TLE1: variants seen among roughly 807,000 people sequenced by gnomAD.
The protein encoded by TLE1 is TLE family member 1, transcriptional corepressor.
TLE1 carries 21 observed loss-of-function variants against 89.8 expected under a neutral mutation model. That is an observed-to-expected ratio of 0.23 (90% CI 0.17 to 0.34). The LOEUF is 0.34. Among genes scored for constraint, TLE1 ranks in the 10% least tolerant of loss-of-function variants. The pLI is 1.00. For synonymous variants in TLE1, 447 were observed against 407.6 expected, an observed-to-expected ratio of 1.10 and a Z score of -1.16; for missense variants, 795 against 1,031.2, an observed-to-expected ratio of 0.77 and a Z score of 3.14.
chr9:81,605,311 G>A (rs1439773039), intron 14 of TLE1, among the ~76,000 whole-genome samples: 1 of 152,144 alleles, frequency 6.6e-6, no homozygotes, highest in African/African-American at 2.4e-5. Context: ...CATCGAGAGT[G>A]AGCGACAGCA....
intron 4 of TLE1, among the ~76,000 whole-genome samples, chr9:81,662,358 GTT>G (rs993794813): frequency 3.1e-5 from 3 of 97,066 alleles, no homozygotes; most frequent in Admixed American, 1.2e-4. Context: ...TAGTGTGCCT[GTT>G]TTGTGTGTGT....
At chr9:81,644,146 T>A (rs903283382) in intron 6 of TLE1, among the ~76,000 whole-genome samples, 1 of 152,270 alleles carries the variant, frequency 6.6e-6, no homozygotes, top group East Asian at 1.9e-4. Context: ...ATTGTGGGAA[T>A]GTAAAATGAT....
Position 81,583,746 on chromosome 9 carries a change from ACCT to A in TLE1, c.*449_*451del. On this transcript the variant is annotated 3_prime_UTR_variant, in exon 20 of 20. Coordinates refer to ENST00000376499, the MANE Select transcript of TLE1 (RefSeq NM_005077.5). ...TATTTACAATTTATACAAATGTTTAACCTTCAACAAAAATACAAAAAAACATTT... is the reference window on the plus strand; with the variant it reads ...TATTTACAATTTATACAAATGTTTAATCAACAAAAATACAAAAAAACATTT... The A allele has an allele frequency of 6.2e-6, 1 of 160,602 alleles. No homozygotes were observed. The highest frequency in any genetic ancestry group is 1.7e-4 in the East Asian group (1 of 5,764). The allele number at this position is 160,602 out of a possible 1,614,324, so 9.9% of individuals were successfully genotyped here.
chr9:81,663,516 C>A (rs1420788883), intron 4 of TLE1, among the ~76,000 whole-genome samples: 2 of 152,170 alleles, frequency 1.3e-5, no homozygotes, highest in African/African-American at 4.8e-5. Context: ...GACAAGTCCG[C>A]ATGATCCCTC....
At chr9:81,632,799 A>G (rs919489210) in intron 8 of TLE1, among the ~76,000 whole-genome samples, 1 of 152,192 alleles carries the variant, frequency 6.6e-6, no homozygotes, top group East Asian at 1.9e-4. Flanking sequence ...TAAAATAGAT[A>G]TAAGATCAAG....
chr9:81,587,952 G>A (rs1828829966), intron 16 of TLE1, 124 bp from the exon 17 acceptor site: 8 of 1,044,192 alleles, frequency 7.7e-6, no homozygotes, highest in South Asian at 3.6e-5. Context: ...GTGTGATCCC[G>A]CCAGTGTCTG....
Position 81,620,559 on chromosome 9 carries a change from T to G in TLE1, c.595-2A>C. 6.2e-7 allele frequency: 1 copy of G among 1,603,322 alleles called. No homozygotes were observed. The highest frequency in any genetic ancestry group is 8.5e-7 in the Non-Finnish European group (1 of 1,177,100). On this transcript the variant is annotated splice_acceptor_variant, in intron 8 of 19. Transcript: ENST00000376499. LOFTEE classifies it high-confidence loss of function. ...GTCTGGGACCAGGAGGGAATTACTC[T>G]GCAAGACAAAAAAATTAATCAAAGA...
At chr9:81,682,773 A>G (rs189466499) in intron 4 of TLE1, among the ~76,000 whole-genome samples, 47 of 152,300 alleles carry the variant, frequency 3.1e-4, no homozygotes, top group Admixed American at 3.1e-3. Flanking sequence ...CCTCTACTGT[A>G]TAGAGATATC....
rs1463340522 is a variant in TLE1 at position 81,688,865 on chromosome 9, G to C, written c.-625C>G. 1 of 152,308 alleles carries C rather than the reference G, an allele frequency of 6.6e-6. No individual in the cohort carries two copies. The allele number at this position is 152,308 out of a possible 1,614,324, so 9.4% of individuals were successfully genotyped here. Reference sequence around the variant, plus strand: ...AAAGGGGAGCGAGGTTGAAGACGCAGCGGAGGCTCCTGGCCGGGGAGCGAC... The same window carrying C: ...AAAGGGGAGCGAGGTTGAAGACGCACCGGAGGCTCCTGGCCGGGGAGCGAC... On this transcript the variant is annotated 5_prime_UTR_variant, in exon 1 of 20. Transcript: ENST00000376499.
intron 11 of TLE1, among the ~76,000 whole-genome samples, chr9:81,614,198 G>A (rs1587970736): frequency 6.6e-6 from 1 of 151,944 alleles, no homozygotes; most frequent in South Asian, 2.1e-4. Context: ...CTGAGCCACC[G>A]CGCCAGGCCA....
intron 4 of TLE1, among the ~76,000 whole-genome samples, chr9:81,669,313 CAT>C (rs912604358): frequency 5.3e-5 from 8 of 152,214 alleles, no homozygotes; most frequent in African/African-American, 1.9e-4. Flanking sequence ...GTCTAATAGA[CAT>C]GTGGATAAAA....
chr9:81,592,937 T>A, intron 15 of TLE1, 88 bp downstream of exon 15: 1 of 1,504,844 alleles, frequency 6.6e-7, no homozygotes, highest in Non-Finnish European at 8.9e-7. Context: ...TTCCTCATAA[T>A]GGGAATAAAA....
At chr9:81,683,492 T>C (rs1833877112) in intron 4 of TLE1, among the ~76,000 whole-genome samples, 1 of 152,120 alleles carries the variant, frequency 6.6e-6, no homozygotes, top group African/African-American at 2.4e-5. Flanking sequence ...GGCTACACCC[T>C]GGGGGCCAGA....
chr9:81,601,659 A>G (rs530547385), intron 14 of TLE1, among the ~76,000 whole-genome samples: 1 of 152,296 alleles, frequency 6.6e-6, no homozygotes, highest in East Asian at 1.9e-4. Flanking sequence ...TGATCTCCAC[A>G]GAGCTCAGGG....
At chr9:81,649,242 G>A (rs991378717) in intron 6 of TLE1, among the ~76,000 whole-genome samples, 15 of 152,170 alleles carry the variant, frequency 9.9e-5, no homozygotes, top group African/African-American at 3.4e-4. Context: ...TTAAAATTCA[G>A]TATTTTTTGT....
chr9:81,612,498 A>T, intron 12 of TLE1: 2 of 357,182 alleles, frequency 5.6e-6, no homozygotes, highest in Non-Finnish European at 7.8e-6. Context: ...GGGGAATATC[A>T]GGTTGCAAAT....
chr9:81,619,669 T>C (rs139042775), intron 9 of TLE1, among the ~76,000 whole-genome samples: 17 of 152,330 alleles, frequency 1.1e-4, no homozygotes, highest in African/African-American at 3.8e-4. Context: ...GCATCCATCC[T>C]GAAACAGACA....
At chr9:81,665,452 A>AT (rs1192263039) in intron 4 of TLE1, among the ~76,000 whole-genome samples, 1 of 151,930 alleles carries the variant, frequency 6.6e-6, no homozygotes, top group African/African-American at 2.4e-5. Flanking sequence ...CCCAGATACT[A>AT]TCCTTTCACT....
At chr9:81,662,213 A>C (rs192881309) in intron 4 of TLE1, among the ~76,000 whole-genome samples, 1 of 152,014 alleles carries the variant, frequency 6.6e-6, no homozygotes, top group East Asian at 1.9e-4. Context: ...CAGTTGTCTA[A>C]AACTAAGAGA....
Sources: gnomAD v4.1 joint callset for allele counts (sites outside exome capture counted in the v4.1 genomes callset) on GRCh38, gnomAD v4.1.1 for gene constraint, MANE v1.5 for transcripts, NCBI Gene and HGNC (gene_info 2026-07-23, HGNC 2026-07-21) for gene names.